Variants in ATP8B1 observed in about 807,000 individuals in gnomAD.
ATP8B1 encodes phospholipid-transporting ATPase IC.
ATP8B1 carries 80 observed loss-of-function variants against 149.9 expected under a neutral mutation model. That is an observed-to-expected ratio of 0.53 (90% CI 0.45 to 0.64). The LOEUF (loss-of-function observed/expected upper bound fraction) is 0.64. Ranked by LOEUF, ATP8B1 falls within the 30% of genes least tolerant of loss-of-function variation. The pLI, the probability that ATP8B1 is intolerant of heterozygous loss-of-function variation, is 0.00. For missense variants in ATP8B1, 1,247 were observed against 1,552.6 expected (o/e 0.80, Z 3.31); for synonymous variants, 536 against 562.8 (o/e 0.95, Z 0.67).
chr18:57,732,309 G>GTATATA (rs1232916462), intron 1 of ATP8B1, among the ~76,000 whole-genome samples: 15,674 of 21,142 alleles, frequency 0.74, 7,462 homozygotes, highest in South Asian at 0.87. Flanking sequence ...GTGTATATAT[G>GTATATA]TGTGTATATA....
chr18:57,759,459 T>G (rs1432482224), intron 1 of ATP8B1, among the ~76,000 whole-genome samples: 2 of 152,124 alleles, frequency 1.3e-5, no homozygotes, highest in Non-Finnish European at 2.9e-5. Flanking sequence ...AAAATCACCT[T>G]GTGAACCTTT....
chr18:57,730,881 C>T (rs1404712515), intron 2 of ATP8B1, among the ~76,000 whole-genome samples: 1 of 151,912 alleles, frequency 6.6e-6, no homozygotes, highest in African/African-American at 2.4e-5. Context: ...ATTTATATAA[C>T]TCATACCGCC....
chr18:57,657,389 G>A (rs1910074952), intron 22 of ATP8B1, among the ~76,000 whole-genome samples: 1 of 152,090 alleles, frequency 6.6e-6, no homozygotes, highest in South Asian at 2.1e-4. Flanking sequence ...CGAATGTGAA[G>A]ATAGACAAGA....
At chr18:57,764,750 C>A in intron 1 of ATP8B1, among the ~76,000 whole-genome samples, 2 of 93,758 alleles carry the variant, frequency 2.1e-5, no homozygotes, top group Non-Finnish European at 2.0e-5. Flanking sequence ...TTTTCACTTT[C>A]AGTTGTCAAA....
rs1388358958 is a variant in ATP8B1 at position 57,784,552 on chromosome 18, T to G, written c.-26+18446A>C. ...GTCTGGAAGAGAAAGGGGTCAGAGATCAAGTCCAGGCTTAAGCCAGAAGGC... is the reference window on the plus strand; with the variant it reads ...GTCTGGAAGAGAAAGGGGTCAGAGAGCAAGTCCAGGCTTAAGCCAGAAGGC... On this transcript the variant is annotated intron_variant, in intron 1 of 27. Coordinates refer to ENST00000648908, the MANE Select transcript of ATP8B1 (RefSeq NM_001374385.1). The surrounding 1 kb of genome is among the most constrained non-coding windows in gnomAD (Gnocchi z 4.4). 1.3e-5 allele frequency among the ~76,000 whole-genome samples: 2 copies of G among 151,922 alleles called. No homozygotes were observed. The highest frequency in any genetic ancestry group is 4.8e-5 in the African/African-American group (2 of 41,356).
chr18:57,714,767 G>A (rs1233449925), intron 2 of ATP8B1, among the ~76,000 whole-genome samples: 2 of 152,126 alleles, frequency 1.3e-5, no homozygotes, highest in Non-Finnish European at 2.9e-5. Flanking sequence ...GCAGATATGG[G>A]TTCAATCATA....
Position 57,784,799 on chromosome 18 carries a change from T to C in ATP8B1, c.-26+18199A>G, listed in dbSNP as rs2080391161. 6.6e-6 allele frequency among the ~76,000 whole-genome samples: 1 copy of C among 152,170 alleles called. No individual in the cohort carries two copies. The highest frequency in any genetic ancestry group is 2.1e-4 in the South Asian group (1 of 4,832). ...GCCTCAACCCTAGTGACGTTTTGGG[T>C]AAGATACTTCTTTGTTGTAGAGGCT... is the stretch of plus-strand genomic sequence containing the variant. On this transcript the variant is annotated intron_variant, in intron 1 of 27. Transcript: ENST00000648908. The surrounding 1 kb of genome is among the most constrained non-coding windows in gnomAD (Gnocchi z 4.4).
chr18:57,672,544 A>G (rs1911268191), intron 16 of ATP8B1, among the ~76,000 whole-genome samples: 1 of 152,132 alleles, frequency 6.6e-6, no homozygotes, highest in South Asian at 2.1e-4. Flanking sequence ...ATCAAAGTTA[A>G]CATCCCCATT....
intron 1 of ATP8B1, among the ~76,000 whole-genome samples, chr18:57,770,356 T>C (rs937180651): frequency 6.6e-6 from 1 of 152,224 alleles, no homozygotes; most frequent in Non-Finnish European, 1.5e-5. Flanking sequence ...TTCGGTTAGA[T>C]GTCTCAAAAT....
intron 1 of ATP8B1, among the ~76,000 whole-genome samples, chr18:57,748,440 A>T (rs571725446): frequency 1.3e-5 from 2 of 152,220 alleles, no homozygotes; most frequent in African/African-American, 4.8e-5. Context: ...GCCGTGCAAA[A>T]CCTTGATCTT....
chr18:57,651,317 G>T (rs1411949483), intron 26 of ATP8B1, among the ~76,000 whole-genome samples: 1 of 152,108 alleles, frequency 6.6e-6, no homozygotes, highest in Non-Finnish European at 1.5e-5. Flanking sequence ...TGTTGCCCAG[G>T]CTGGTCTCAA....
rs760350031 is a variant in ATP8B1 at position 57,704,533 on chromosome 18, T to G, written c.393+22A>C. On this transcript the variant is annotated intron_variant, in intron 4 of 27. Transcript: ENST00000648908. ...TCGAGTCACTATAATTCAAACAGAT[T>G]TAAGATAGCAAAGGGCATTACCTGT... 6 of 1,447,206 alleles carry G rather than the reference T, an allele frequency of 4.1e-6. No individual in the cohort carries two copies. In the East Asian group the frequency reaches 1.4e-4, roughly 33 times the overall value. 89.6% of individuals were successfully genotyped at this position (1,447,206 alleles called of 1,614,324 possible). A position where few individuals can be genotyped will look rare whatever the true frequency, so the allele number is the denominator to read the frequency against.
intron 22 of ATP8B1, among the ~76,000 whole-genome samples, chr18:57,659,004 G>C (rs1910210317): frequency 6.6e-6 from 1 of 152,154 alleles, no homozygotes. Context: ...GGCCAGGTGA[G>C]GTGGCTCATG....
At position 57,695,261 on chromosome 18, in the gene ATP8B1, T is replaced by C. The variant is rs1441225858; in HGVS notation, c.850A>G (p.Thr284Ala). 3 of 1,613,812 alleles carry C rather than the reference T, an allele frequency of 1.9e-6. No homozygotes were observed. Among genetic ancestry groups the C allele is most frequent in the South Asian group, 2.2e-5 (2 of 91,080 alleles). ...KFTGTLFWRNTSFPLDADKIL... is the reference protein window; with the variant it reads ...KFTGTLFWRNASFPLDADKIL... ...TTATCAGCATCCAAAGGAAAACTTGTGTTTCTCCAAAATAGTGTTCCTGTA... is the reference window on the plus strand; with the variant it reads ...TTATCAGCATCCAAAGGAAAACTTGCGTTTCTCCAAAATAGTGTTCCTGTA... Residue 284 changes from threonine to alanine, a missense_variant, in exon 10 of 28, where the codon ACA (threonine) becomes GCA (alanine). Coordinates refer to ENST00000648908, the MANE Select transcript of ATP8B1 (RefSeq NM_001374385.1).
At chr18:57,762,938 C>A (rs2080171014) in intron 1 of ATP8B1, among the ~76,000 whole-genome samples, 2 of 152,158 alleles carry the variant, frequency 1.3e-5, no homozygotes, top group African/African-American at 4.8e-5. Context: ...GAGATTACTT[C>A]TCTTGATCCA....
chr18:57,661,611 GTA>G (rs890980507), intron 21 of ATP8B1, 149 bp from the exon 22 acceptor site: 3 of 689,976 alleles, frequency 4.3e-6, no homozygotes, highest in Non-Finnish European at 6.9e-6. Context: ...ACCAAAACAT[GTA>G]TATATATGTG....
At chr18:57,735,207 GT>G in intron 1 of ATP8B1, 1 of 169,324 alleles carries the variant, frequency 5.9e-6, no homozygotes, top group Non-Finnish European at 1.2e-5. Context: ...CACCACTGCT[GT>G]TTTGCTGCCG....
chr18:57,739,287 C>T (rs930636039), intron 1 of ATP8B1, among the ~76,000 whole-genome samples: 6 of 152,126 alleles, frequency 3.9e-5, no homozygotes, highest in African/African-American at 1.4e-4. Flanking sequence ...CATGAGCCAC[C>T]ATGCCTGGCC....
At chr18:57,794,602 C>T (rs566686546) in intron 1 of ATP8B1, among the ~76,000 whole-genome samples, 1 of 152,018 alleles carries the variant, frequency 6.6e-6, no homozygotes, top group Non-Finnish European at 1.5e-5. Context: ...AAAGAGTCAC[C>T]CATAGCACAG....
Sources: gnomAD v4.1 joint callset for allele counts (sites outside exome capture counted in the v4.1 genomes callset) on GRCh38, gnomAD v4.1.1 for gene constraint, Gnocchi (gnomAD v3.1) non-coding constraint, MANE v1.5 for transcripts, NCBI Gene and HGNC (gene_info 2026-07-23, HGNC 2026-07-21) for gene names.